Variants in LARP4B observed in about 807,000 individuals in gnomAD.
The protein encoded by LARP4B is la-related protein 4B.
In LARP4B, 12 loss-of-function variants were observed where a neutral mutation model predicts 89.8. The ratio of observed to expected loss-of-function variants is 0.13; its 90% CI spans 0.09 to 0.22. LARP4B has a LOEUF of 0.22. Among genes scored for constraint, LARP4B ranks in the 10% least tolerant of loss-of-function variants. LARP4B has a pLI of 1.00. For synonymous variants in LARP4B, 367 were observed against 363.3 expected (o/e 1.01, Z -0.12); for missense variants, 757 against 947.7 (o/e 0.80, Z 2.64).
intron 8 of LARP4B, 133 bp downstream of exon 8, chr10:836,270 G>A: frequency 1.7e-6 from 1 of 605,812 alleles, no homozygotes; most frequent in Non-Finnish European, 2.9e-6. Context: ...TAAATCCTGG[G>A]AAAACAGTGT....
rs182215550 is a variant in LARP4B at position 916,586 on chromosome 10, T to C, written c.-40+14842A>G. ...GGCGCATGCCTGTAATCCCAGATAC[T>C]TGGGAGGCCGTGGCAGGAGAATCAC... On this transcript the variant is annotated intron_variant, in intron 1 of 17. Coordinates refer to ENST00000316157, the MANE Select transcript of LARP4B (RefSeq NM_015155.3). Among the ~76,000 whole-genome samples the C allele has an allele frequency of 7.6e-3, 1,158 of 152,254 alleles. 16 individuals carry two copies. Among genetic ancestry groups the C allele is most frequent in the South Asian group, 0.035 (167 of 4,826 alleles).
chr10:842,122 G>C (rs973870806), intron 7 of LARP4B, among the ~76,000 whole-genome samples: 1 of 152,116 alleles, frequency 6.6e-6, no homozygotes, highest in Non-Finnish European at 1.5e-5. Context: ...AACTATGTAG[G>C]GGCACCATCC....
chr10:872,922 G>T, intron 3 of LARP4B: 1 of 520,700 alleles, frequency 1.9e-6, no homozygotes, highest in Non-Finnish European at 2.5e-6. Flanking sequence ...CCCTGTTTGT[G>T]CCCAGACCCT....
At chr10:831,585 C>A (rs996670307) in intron 8 of LARP4B, among the ~76,000 whole-genome samples, 1 of 152,108 alleles carries the variant, frequency 6.6e-6, no homozygotes, top group African/African-American at 2.4e-5. Context: ...AGGGAACAAG[C>A]CCAGGGAAGG....
intron 1 of LARP4B, among the ~76,000 whole-genome samples, chr10:913,236 G>T (rs1016807037): frequency 1.3e-5 from 2 of 152,128 alleles, no homozygotes; most frequent in Non-Finnish European, 2.9e-5. Flanking sequence ...CTAAAGGAGG[G>T]GGGGAATTAT....
intron 1 of LARP4B, among the ~76,000 whole-genome samples, chr10:917,902 T>C (rs1188319099): frequency 1.3e-5 from 2 of 152,230 alleles, no homozygotes; most frequent in African/African-American, 2.4e-5. Flanking sequence ...CTAAGATTTA[T>C]ATCTTCAGTA....
At chr10:895,920 A>G (rs1272320624) in intron 1 of LARP4B, among the ~76,000 whole-genome samples, 2 of 152,222 alleles carry the variant, frequency 1.3e-5, no homozygotes, top group African/African-American at 2.4e-5. Flanking sequence ...AGTTTTTTAA[A>G]TAACATATTA....
intron 3 of LARP4B, chr10:869,976 C>T (rs1835119493): frequency 3.3e-6 from 2 of 605,786 alleles, no homozygotes; most frequent in Non-Finnish European, 4.1e-6. Context: ...CCCAGCATAC[C>T]GCAGCACAAT....
intron 1 of LARP4B, among the ~76,000 whole-genome samples, chr10:890,624 T>C (rs1835987291): frequency 6.6e-6 from 1 of 152,198 alleles, no homozygotes; most frequent in African/African-American, 2.4e-5. Flanking sequence ...GGACTGAGAT[T>C]CTAGGTCCTT....
the LARP4B span, among the ~76,000 whole-genome samples, chr10:938,512 C>G: frequency 6.6e-6 from 1 of 152,202 alleles, no homozygotes; most frequent in Non-Finnish European, 1.5e-5. Flanking sequence ...CTCGGCCTCC[C>G]AAAGTGCTGG....
At chr10:926,874 TA>T (rs2132061991) in intron 1 of LARP4B, among the ~76,000 whole-genome samples, 1 of 152,162 alleles carries the variant, frequency 6.6e-6, no homozygotes, top group African/African-American at 2.4e-5. Flanking sequence ...CAATTTGTAC[TA>T]AAGTACAAAA....
chr10:974,184 A>C, the LARP4B span, among the ~76,000 whole-genome samples: 1 of 152,068 alleles, frequency 6.6e-6, no homozygotes, highest in African/African-American at 2.4e-5. Context: ...TTCAACCTCC[A>C]GACAGCACGG....
At chr10:921,688 G>T (rs1445844132) in intron 1 of LARP4B, among the ~76,000 whole-genome samples, 1 of 152,190 alleles carries the variant, frequency 6.6e-6, no homozygotes, top group Non-Finnish European at 1.5e-5. Flanking sequence ...AGGTCATGGA[G>T]ATTTTTAAGT....
intron 11 of LARP4B, 44 bp downstream of exon 11, chr10:829,341 G>A: frequency 6.8e-7 from 1 of 1,468,558 alleles, no homozygotes; most frequent in East Asian, 2.3e-5. Context: ...AAATTATCTA[G>A]CATAGTGTCT....
At chr10:886,561 T>C (rs1347745659) in intron 1 of LARP4B, among the ~76,000 whole-genome samples, 3 of 152,222 alleles carry the variant, frequency 2.0e-5, no homozygotes, top group Non-Finnish European at 1.5e-5. Flanking sequence ...TGTCCATCAA[T>C]GGACAAACGG....
chr10:912,125 T>C (rs1360913054), intron 1 of LARP4B, among the ~76,000 whole-genome samples: 2 of 152,142 alleles, frequency 1.3e-5, no homozygotes, highest in African/African-American at 4.8e-5. Flanking sequence ...GGCGTTTCCC[T>C]CCTTTGGGGG....
At chr10:846,279 A>G (rs1247688853) in intron 5 of LARP4B, among the ~76,000 whole-genome samples, 1 of 152,264 alleles carries the variant, frequency 6.6e-6, no homozygotes, top group Admixed American at 6.5e-5. Context: ...CGTGAAGCCA[A>G]CACTCTGGTG....
intron 5 of LARP4B, among the ~76,000 whole-genome samples, chr10:860,016 AACTGTAG>A (rs1372302036): frequency 6.6e-6 from 1 of 151,470 alleles, no homozygotes; most frequent in African/African-American, 2.4e-5. Flanking sequence ...CCCTCATGTA[AACTGTAG>A]ACTCCAGGTA....
intron 5 of LARP4B, among the ~76,000 whole-genome samples, chr10:862,548 C>T (rs761789971): frequency 5.3e-5 from 8 of 152,146 alleles, no homozygotes; most frequent in Non-Finnish European, 1.0e-4. Context: ...ATCACAAGGT[C>T]AGGAGATCGA....
Sources: gnomAD v4.1 joint callset for allele counts (sites outside exome capture counted in the v4.1 genomes callset) on GRCh38, gnomAD v4.1.1 for gene constraint, MANE v1.5 for transcripts, NCBI Gene and HGNC (gene_info 2026-07-23, HGNC 2026-07-21) for gene names.